The following ADGB variants were observed in gnomAD, a reference collection of about 807,000 sequenced individuals.
The protein encoded by ADGB is calpain-7-like protein.
A neutral mutation model predicts 210.5 loss-of-function variants in ADGB; 172 were observed. The ratio of observed to expected loss-of-function variants is 0.82; its 90% CI spans 0.72 to 0.93. The LOEUF (loss-of-function observed/expected upper bound fraction) is 0.93. ADGB is among the 40% of genes least tolerant of loss of function. The pLI is 0.00. For missense variants in ADGB, 2,025 were observed against 1,964.8 expected (o/e 1.03, Z -0.58); for synonymous variants, 658 against 662.7 (o/e 0.99, Z 0.11).
chr6:146,805,174 T>C (rs928737225), intron 35 of ADGB, among the ~76,000 whole-genome samples: 1 of 152,162 alleles, frequency 6.6e-6, no homozygotes, highest in African/African-American at 2.4e-5. Flanking sequence ...GAAGAGAACA[T>C]GGGGAATTGC....
chr6:146,815,014 G>A lies in ADGB; in HGVS notation c.4819-18G>A. ...TTACCAGTGGAACTTATTTGTTTGG[G>A]GTTTTGCTTTGGAACAGGACTCCTT... On this transcript the variant is annotated intron_variant, in intron 35 of 35. Coordinates refer to ENST00000397944, the MANE Select transcript of ADGB (RefSeq NM_024694.4). 2 of 1,522,750 alleles carry A rather than the reference G, an allele frequency of 1.3e-6. No homozygotes were observed. Among genetic ancestry groups the A allele is most frequent in the Non-Finnish European group, 1.8e-6 (2 of 1,139,392 alleles). The allele number at this position is 1,522,750 out of a possible 1,614,324, so 94.3% of individuals were successfully genotyped here.
intron 22 of ADGB, among the ~76,000 whole-genome samples, chr6:146,735,973 T>C (rs1281793660): frequency 1.3e-5 from 2 of 152,210 alleles, no homozygotes; most frequent in Non-Finnish European, 2.9e-5. Context: ...GTAAATACTA[T>C]GAAGAAATTA....
In ADGB at chr6:146,738,395, T is replaced by C. The variant is rs911612328; in HGVS notation, c.2888+1804T>C. On this transcript the variant is annotated intron_variant, in intron 23 of 35. Transcript: ENST00000397944. ...GGGGAAGACTGAGTTTACCAATTTA[T>C]GATTTAGTCTTAAGATTGAATCCCA... Among the ~76,000 whole-genome samples the C allele has an allele frequency of 2.0e-5, 3 of 151,182 alleles. No individual in the cohort carries two copies. The East Asian group carries it at 5.9e-4, about 30-fold the overall frequency.
At chr6:146,703,061 T>G (rs1441808259) in intron 13 of ADGB, among the ~76,000 whole-genome samples, 1 of 151,890 alleles carries the variant, frequency 6.6e-6, no homozygotes, top group Non-Finnish European at 1.5e-5. Context: ...TTGTATACAT[T>G]TACTGCCATT....
chr6:146,683,844 C>CTT (rs1776189017), intron 9 of ADGB, among the ~76,000 whole-genome samples: 1 of 151,968 alleles, frequency 6.6e-6, no homozygotes, highest in African/African-American at 2.4e-5. Flanking sequence ...GGACAAAGTA[C>CTT]TTAATGTGAT....
intron 31 of ADGB, among the ~76,000 whole-genome samples, chr6:146,785,176 G>A (rs1471720660): frequency 6.6e-6 from 1 of 152,104 alleles, no homozygotes; most frequent in Non-Finnish European, 1.5e-5. Context: ...TAAAAACCAT[G>A]TGCTGCCCCC....
At position 146,691,477 on chromosome 6, in the gene ADGB, A is replaced by ATATAAAAAT. The variant is rs1776322815; in HGVS notation, c.1486+187_1486+188insTATAAAAAT. Among the ~76,000 whole-genome samples the ATATAAAAAT allele has an allele frequency of 1.1e-4, 2 of 18,568 alleles. 1 individual carries two copies. The highest frequency in any genetic ancestry group is 8.7e-4 in the African/African-American group (2 of 2,302). 12.2% of individuals were successfully genotyped at this position (18,568 alleles called of 152,430 possible). ...ATATATAAAAATATATATATATATA[A>ATATAAAAAT]ATATATATATATATATATATATATT... On this transcript the variant is annotated intron_variant, in intron 11 of 35. Coordinates refer to ENST00000397944, the MANE Select transcript of ADGB (RefSeq NM_024694.4).
intron 27 of ADGB, among the ~76,000 whole-genome samples, chr6:146,756,588 A>C (rs1236318531): frequency 4.0e-5 from 6 of 151,864 alleles, no homozygotes; most frequent in Non-Finnish European, 7.4e-5. Context: ...CTGACTTTCA[A>C]GTTTCTTCTG....
chr6:146,628,066 C>A (rs1240621722), intron 1 of ADGB, among the ~76,000 whole-genome samples: 1 of 151,952 alleles, frequency 6.6e-6, no homozygotes, highest in African/African-American at 2.4e-5. Context: ...ATTCCTCAGG[C>A]TTATTGTTTA....
At chr6:146,709,507 T>G (rs1186215075) in intron 13 of ADGB, among the ~76,000 whole-genome samples, 1 of 152,262 alleles carries the variant, frequency 6.6e-6, no homozygotes, top group South Asian at 2.1e-4. Flanking sequence ...GTCTGCAGGA[T>G]TGGGTCTAGA....
chr6:146,791,896 T>C (rs1384437295), intron 33 of ADGB, among the ~76,000 whole-genome samples: 1 of 150,160 alleles, frequency 6.7e-6, no homozygotes, highest in Non-Finnish European at 1.5e-5. Context: ...TAGCTGAGAC[T>C]ACAGGCATGT....
In ADGB at chr6:146,716,973, C is replaced by T; in HGVS notation, c.1832C>T (p.Ala611Val). 6.4e-7 allele frequency: 1 copy of T among 1,551,510 alleles called. No individual in the cohort carries two copies. The highest frequency in any genetic ancestry group is 8.7e-7 in the Non-Finnish European group (1 of 1,146,894). The stretch of plus-strand genomic sequence containing the variant: ...AGAGAGATAGTCAGCCAGACCACAG[C>T]AACACAGGAAAAGTCACAGGAAGAA... ...LEREIVSQTTATQEKSQEELP... is the reference protein window; with the variant it reads ...LEREIVSQTTVTQEKSQEELP... Residue 611 changes from alanine to valine, a missense_variant, in exon 15 of 36, where the codon GCA becomes GTA. By Grantham distance (64) the Ala-to-Val change is moderately conservative (BLOSUM62 0). Coordinates refer to ENST00000397944, the MANE Select transcript of ADGB (RefSeq NM_024694.4).
At chr6:146,677,892 G>T (rs1002275422) in intron 9 of ADGB, among the ~76,000 whole-genome samples, 1 of 152,172 alleles carries the variant, frequency 6.6e-6, no homozygotes, top group African/African-American at 2.4e-5. Flanking sequence ...TTGAATCCAG[G>T]TAAAGTGCTT....
At chr6:146,813,877 C>A (rs1778340959) in intron 35 of ADGB, among the ~76,000 whole-genome samples, 1 of 152,072 alleles carries the variant, frequency 6.6e-6, no homozygotes, top group Non-Finnish European at 1.5e-5. Context: ...ACAGAGAGAG[C>A]CTGAGTTTTG....
intron 1 of ADGB, among the ~76,000 whole-genome samples, chr6:146,619,150 C>A (rs1780848213): frequency 6.7e-6 from 1 of 148,914 alleles, no homozygotes; most frequent in Non-Finnish European, 1.5e-5. Flanking sequence ...TATTACAATT[C>A]TTGACTTAAA....
intron 9 of ADGB, among the ~76,000 whole-genome samples, chr6:146,679,298 C>T (rs73571879): frequency 3.3e-5 from 5 of 152,106 alleles, no homozygotes; most frequent in African/African-American, 1.2e-4. Context: ...ATGTTCAATA[C>T]GTACCAAGAG....
chr6:146,802,662 A>G, intron 35 of ADGB: 2 of 808,436 alleles, frequency 2.5e-6, no homozygotes, highest in South Asian at 1.9e-5. Flanking sequence ...TGGTTTCATT[A>G]TGTGGCTTTT....
chr6:146,619,893 TTA>T (rs763037564), intron 1 of ADGB, among the ~76,000 whole-genome samples: 5 of 152,134 alleles, frequency 3.3e-5, no homozygotes, highest in Non-Finnish European at 7.4e-5. Flanking sequence ...GATGTTTTTG[TTA>T]TATGTTAGCA....
At position 146,788,515 on chromosome 6, in the gene ADGB, T is replaced by C; in HGVS notation, c.4442T>C (p.Leu1481Ser). ...VWKKWQLTKG[L>S]RDVAKSTSSE... is the part of the protein sequence containing the mutation. Reference sequence around the variant, plus strand: ...AAGAAGTGGCAATTGACCAAAGGCTTGAGGGATGTGGCAAAATCCACGAGT... The same window carrying C: ...AAGAAGTGGCAATTGACCAAAGGCTCGAGGGATGTGGCAAAATCCACGAGT... The change falls in exon 33 of 36, where the codon TTG (leucine) becomes TCG (serine). Residue 1481 changes from leucine (L) to serine (S), a missense_variant. Physicochemically the swap from Leu to Ser is moderately radical, Grantham distance 145. Coordinates refer to ENST00000397944, the MANE Select transcript of ADGB (RefSeq NM_024694.4). 6.4e-7 allele frequency: 1 copy of C among 1,551,574 alleles called. No individual in the cohort carries two copies.
Sources: allele counts gnomAD v4.1 joint callset (sites outside exome capture counted in the v4.1 genomes callset), GRCh38; gene constraint gnomAD v4.1.1; transcripts MANE v1.5; gene names NCBI Gene and HGNC (gene_info 2026-07-23, HGNC 2026-07-21).